EYS: variants seen among roughly 807,000 people sequenced by gnomAD.
EYS encodes EGF-like photoreceptor maintenance factor.
EYS carries 250 observed loss-of-function variants against 282.1 expected under a neutral mutation model. The ratio of observed to expected loss-of-function variants is 0.89; its 90% CI spans 0.80 to 0.98. EYS has a LOEUF of 0.98. Ranked by LOEUF, EYS falls within the 50% of genes least tolerant of loss-of-function variation. The pLI is 0.00. For synonymous variants in EYS, 1,355 were observed against 1,282.9 expected (o/e 1.06, Z -1.20); for missense variants, 4,016 against 3,709.0 (o/e 1.08, Z -2.15).
At chr6:64,556,397 G>A (rs907644063) in intron 26 of EYS, among the ~76,000 whole-genome samples, 6 of 152,024 alleles carry the variant, frequency 3.9e-5, no homozygotes, top group South Asian at 2.1e-4. Context: ...GTGGTGTATC[G>A]TCCCATGTAC....
chr6:64,105,127 G>C (rs956766162), intron 31 of EYS, among the ~76,000 whole-genome samples: 4 of 151,916 alleles, frequency 2.6e-5, no homozygotes, highest in Non-Finnish European at 4.4e-5. Context: ...TTCAAAGTGT[G>C]AGGAAGCAGA....
chr6:64,513,502 G>T (rs762037899), intron 26 of EYS, among the ~76,000 whole-genome samples: 10 of 151,808 alleles, frequency 6.6e-5, no homozygotes, highest in Non-Finnish European at 1.5e-4. Context: ...ATGAGATCTT[G>T]AACAGGAAAT....
chr6:63,848,331 T>A (rs1387527398), intron 36 of EYS, among the ~76,000 whole-genome samples: 1 of 152,134 alleles, frequency 6.6e-6, no homozygotes, highest in African/African-American at 2.4e-5. Flanking sequence ...TATTGGGGTC[T>A]GTGGATAGTT....
intron 24 of EYS, among the ~76,000 whole-genome samples, chr6:64,601,227 T>A (rs2149838227): frequency 6.6e-6 from 1 of 152,226 alleles, no homozygotes; most frequent in Admixed American, 6.5e-5. Flanking sequence ...GCTATAAAGA[T>A]ATCATATATT....
chr6:64,600,555 A>G (rs1344891173), intron 24 of EYS, among the ~76,000 whole-genome samples: 2 of 152,122 alleles, frequency 1.3e-5, no homozygotes, highest in African/African-American at 2.4e-5. Flanking sequence ...GTTTTTAAAA[A>G]GATTTTTCCA....
chr6:64,605,741 T>C (rs1436041569), intron 24 of EYS, among the ~76,000 whole-genome samples: 1 of 151,936 alleles, frequency 6.6e-6, no homozygotes, highest in Admixed American at 6.6e-5. Flanking sequence ...TTGTTTGATC[T>C]TTCCTACTAT....
At chr6:63,851,589 A>G (rs569389539) in intron 36 of EYS, among the ~76,000 whole-genome samples, 1 of 152,224 alleles carries the variant, frequency 6.6e-6, no homozygotes, top group Non-Finnish European at 1.5e-5. Flanking sequence ...AAATAAAGAA[A>G]TTAAGGCAGA....
At chr6:64,851,938 G>A (rs1047399247) in intron 19 of EYS, among the ~76,000 whole-genome samples, 21 of 152,048 alleles carry the variant, frequency 1.4e-4, no homozygotes, top group South Asian at 1.2e-3. Context: ...GTTTACAGGT[G>A]TAACAAACCT....
intron 26 of EYS, among the ~76,000 whole-genome samples, chr6:64,513,311 C>A (rs776161859): frequency 6.6e-6 from 1 of 151,832 alleles, no homozygotes; most frequent in South Asian, 2.1e-4. Context: ...CATTGTTAAA[C>A]GTACTGTTTT....
At chr6:64,544,188 G>A (rs1277303865) in intron 26 of EYS, among the ~76,000 whole-genome samples, 2 of 152,106 alleles carry the variant, frequency 1.3e-5, no homozygotes, top group African/African-American at 2.4e-5. Context: ...CCTTCTACTC[G>A]ATTTGAGAAT....
intron 26 of EYS, among the ~76,000 whole-genome samples, chr6:64,456,164 C>T (rs969133417): frequency 7.2e-5 from 11 of 152,004 alleles, no homozygotes; most frequent in African/African-American, 2.2e-4. Flanking sequence ...TTTTAGTTGA[C>T]CCACCACTCA....
chr6:65,197,299 G>A (rs1276528744), intron 12 of EYS, among the ~76,000 whole-genome samples: 1 of 151,982 alleles, frequency 6.6e-6, no homozygotes, highest in Admixed American at 6.6e-5. Flanking sequence ...GACAAAAGGT[G>A]GAAGCTATTA....
chr6:63,987,110 T>A (rs1727364357), intron 34 of EYS, among the ~76,000 whole-genome samples: 1 of 151,734 alleles, frequency 6.6e-6, no homozygotes, highest in Non-Finnish European at 1.5e-5. Flanking sequence ...ATAAGATGAA[T>A]ATTTCATAGA....
intron 36 of EYS, among the ~76,000 whole-genome samples, chr6:63,837,570 T>C (rs1374288242): frequency 1.3e-5 from 2 of 152,150 alleles, no homozygotes; most frequent in Non-Finnish European, 1.5e-5. Context: ...AGGTTGATAA[T>C]TTAGCTAATT....
intron 28 of EYS, among the ~76,000 whole-genome samples, chr6:64,417,468 A>T (rs530811769): frequency 6.6e-6 from 1 of 152,132 alleles, no homozygotes; most frequent in Non-Finnish European, 1.5e-5. Flanking sequence ...ACCTTATCAA[A>T]ATAGACCATT....
intron 26 of EYS, among the ~76,000 whole-genome samples, chr6:64,448,804 T>G (rs1305428708): frequency 6.6e-6 from 1 of 152,108 alleles, no homozygotes; most frequent in Non-Finnish European, 1.5e-5. Context: ...TCCTCACTGT[T>G]AGAAGGAAAA....
At chr6:64,953,643 G>A (rs951853434) in intron 14 of EYS, among the ~76,000 whole-genome samples, 1 of 151,664 alleles carries the variant, frequency 6.6e-6, no homozygotes, top group Non-Finnish European at 1.5e-5. Flanking sequence ...ATTTATCTTG[G>A]TGCTTTAAAT....
intron 8 of EYS, among the ~76,000 whole-genome samples, chr6:65,378,154 C>T (rs576214414): frequency 1.3e-5 from 2 of 152,194 alleles, no homozygotes; most frequent in African/African-American, 2.4e-5. Flanking sequence ...GGCTAATATC[C>T]AGAATGTACA....
At chr6:63,819,617 G>A (rs143800777) in intron 36 of EYS, among the ~76,000 whole-genome samples, 452 of 152,260 alleles carry the variant, frequency 3.0e-3, no homozygotes, top group Middle Eastern at 0.014. Context: ...TTTAATATAC[G>A]ATATTTCTAT....
Sources: allele counts gnomAD v4.1 joint callset (sites outside exome capture counted in the v4.1 genomes callset), GRCh38; gene constraint gnomAD v4.1.1; transcripts MANE v1.5; gene names NCBI Gene and HGNC (gene_info 2026-07-23, HGNC 2026-07-21).